The following AOC2 variants were observed in gnomAD, a reference collection of about 807,000 sequenced individuals.
AOC2 encodes the protein amine oxidase copper containing 2.
In AOC2, 57 loss-of-function variants were observed where a neutral mutation model predicts 53.8. The ratio of observed to expected loss-of-function variants is 1.06; its 90% CI spans 0.86 to 1.32. AOC2 has a LOEUF of 1.32. AOC2 is among the 40% of genes most tolerant of loss of function. AOC2 has a pLI of 0.00. For missense variants in AOC2, 1,008 were observed against 957.2 expected (o/e 1.05, Z -0.70); for synonymous variants, 404 against 399.0 (o/e 1.01, Z -0.15).
At position 42,845,819 on chromosome 17, in the gene AOC2, GC is replaced by G; in HGVS notation, c.1197del (p.Tyr400IlefsTer11). The G allele has an allele frequency of 6.2e-7, 1 of 1,614,188 alleles. No homozygotes were observed. Among genetic ancestry groups the G allele is most frequent in the Non-Finnish European group, 8.5e-7 (1 of 1,180,050 alleles). On this transcript the variant is annotated frameshift_variant, in exon 1 of 4. Transcript: ENST00000253799. LOFTEE classifies it high-confidence loss of function. ...CGAGGCTTGGTGCGGGGAGTGGACTGCCCCTATCAAGCCACGATGGTGGACA... is the reference window on the plus strand; with the variant it reads ...CGAGGCTTGGTGCGGGGAGTGGACTGCCCTATCAAGCCACGATGGTGGACA... ...NSRGLVRGVDCPYQATMVDIH... is the reference protein window; with the variant it reads ...NSRGLVRGVDXPYQATMVDIH...
chr17:42,849,640 A>G lies in AOC2; in HGVS notation c.1914A>G (p.Ser638=). The G allele has an allele frequency of 6.2e-7, 1 of 1,614,220 alleles. No individual in the cohort carries two copies. Among genetic ancestry groups the G allele is most frequent in the Non-Finnish European group, 8.5e-7 (1 of 1,180,038 alleles). The change falls in exon 3 of 4, where the codon TCA becomes TCG. Residue 638 remains serine (S), a synonymous_variant. Coordinates refer to ENST00000253799, the MANE Select transcript of AOC2 (RefSeq NM_009590.4). The part of the protein sequence containing the change: ...LVVTQRKEEE[S]QSSSIYHQND... The stretch of plus-strand genomic sequence containing the variant: ...TGACCCAGAGAAAGGAGGAGGAGTC[A>G]CAGAGCAGTAGCATCTATCACCAGA...
intron 1 of AOC2, among the ~76,000 whole-genome samples, chr17:42,848,829 G>C (rs774158153): frequency 2.0e-5 from 3 of 152,038 alleles, no homozygotes; most frequent in Non-Finnish European, 2.9e-5. Flanking sequence ...GGGATTGCAG[G>C]TGTGAGCCAC....
At position 42,845,449 on chromosome 17, in the gene AOC2, T is replaced by C; in HGVS notation, c.823T>C (p.Phe275Leu). 6.2e-7 allele frequency: 1 copy of C among 1,613,918 alleles called. No homozygotes were observed. The highest frequency in any genetic ancestry group is 2.2e-5 in the East Asian group (1 of 44,876). ...YADLGQLEREFKSGRLEVVRV... is the reference protein window; with the variant it reads ...YADLGQLERELKSGRLEVVRV... ...AGACTTGGGCCAGTTGGAACGGGAGTTTAAGTCTGGCCGGTTGGAAGTGGT... is the reference window on the plus strand; with the variant it reads ...AGACTTGGGCCAGTTGGAACGGGAGCTTAAGTCTGGCCGGTTGGAAGTGGT... Residue 275 changes from phenylalanine (F) to leucine (L), a missense_variant, in exon 1 of 4, where the codon TTT becomes CTT. By Grantham distance (22) the Phe-to-Leu change is conservative. Coordinates refer to ENST00000253799, the MANE Select transcript of AOC2 (RefSeq NM_009590.4).
intron 1 of AOC2, among the ~76,000 whole-genome samples, chr17:42,848,777 C>T (rs1242771887): frequency 1.3e-5 from 2 of 151,884 alleles, no homozygotes; most frequent in Admixed American, 1.3e-4. Context: ...TCTCAAACTC[C>T]TGGGCTCACA....
At chr17:42,846,940 C>T (rs1483673312) in intron 1 of AOC2, among the ~76,000 whole-genome samples, 1 of 152,218 alleles carries the variant, frequency 6.6e-6, no homozygotes, top group East Asian at 1.9e-4. Flanking sequence ...CAGACCCTCT[C>T]CATTTTAAGG....
intron 1 of AOC2, among the ~76,000 whole-genome samples, chr17:42,848,262 A>G (rs1356296379): frequency 6.6e-6 from 1 of 151,052 alleles, no homozygotes. Context: ...TTCATAGTTA[A>G]AAGAATGTCA....
Position 42,850,051 on chromosome 17 carries a change from A to G in AOC2, c.2005-31A>G, listed in dbSNP as rs1438523263. ...GGGTGGTTCTTTGGGTCACGCTTCC[A>G]TAGTCCTCCAGCTCCTCCTTCTTCT... On this transcript the variant is annotated intron_variant, in intron 3 of 3. Coordinates refer to ENST00000253799, the MANE Select transcript of AOC2 (RefSeq NM_009590.4). 7.5e-6 allele frequency: 12 copies of G among 1,605,676 alleles called. No homozygotes were observed. The Admixed American group carries it at 8.4e-5, about 11-fold the overall frequency.
Position 42,844,906 on chromosome 17 carries a change from T to C in AOC2, c.280T>C (p.Ser94Pro). 6.2e-6 allele frequency: 10 copies of C among 1,612,920 alleles called. No individual in the cohort carries two copies. The highest frequency in any genetic ancestry group is 8.5e-6 in the Non-Finnish European group (10 of 1,179,366). ...QAQPSDNCIF[S>P]VELQLPPKAA... ...TCAGCCCTCGGACAACTGCATCTTC[T>C]CAGTGGAGCTGCAGCTGCCCCCCAA... The change falls in exon 1 of 4, where the codon TCA becomes CCA. Residue 94 changes from serine to proline, a missense_variant. By Grantham distance (74) the Ser-to-Pro change is moderately conservative. Transcript: ENST00000253799.
intron 3 of AOC2, 144 bp downstream of exon 3, chr17:42,849,874 G>A (rs1292621106): frequency 7.6e-7 from 1 of 1,323,272 alleles, no homozygotes; most frequent in Non-Finnish European, 1.1e-6. Flanking sequence ...ACCAACACAG[G>A]TCATCCCTCC....
Position 42,849,955 on chromosome 17 carries a change from C to T in AOC2, c.2005-127C>T, listed in dbSNP as rs565516411. The stretch of plus-strand genomic sequence containing the variant: ...ACAGCTGCTTACATGGATTGCTCCA[C>T]GTGTTGTATGGGCATGAGGCTGGGG... On this transcript the variant is annotated intron_variant, in intron 3 of 3. Transcript: ENST00000253799. 14 of 1,365,100 alleles carry T rather than the reference C, an allele frequency of 1.0e-5. No homozygotes were observed. The South Asian group carries it at 1.4e-4, about 13-fold the overall frequency. The allele number at this position is 1,365,100 out of a possible 1,614,324, so 84.6% of individuals were successfully genotyped here. A position where few individuals can be genotyped will look rare whatever the true frequency, so the allele number is the denominator to read the frequency against.
intron 3 of AOC2, 132 bp from the exon 4 acceptor site, chr17:42,849,950 C>A: frequency 1.5e-6 from 2 of 1,343,750 alleles, no homozygotes; most frequent in Non-Finnish European, 2.1e-6. Flanking sequence ...ACATGGATTG[C>A]TCCACGTGTT....
Position 42,846,174 on chromosome 17 carries a change from C to T in AOC2, c.1548C>T (p.His516=). The stretch of plus-strand genomic sequence containing the variant: ...GGGAAAGAGTGCTGGGAACGGTGCA[C>T]ACACATGCCTTCCACTTCAAGCTGG... ...RVGERVLGTV[H]THAFHFKLDL... Residue 516 remains histidine (H), a synonymous_variant, in exon 1 of 4, where the codon CAC becomes CAT. Coordinates refer to ENST00000253799, the MANE Select transcript of AOC2 (RefSeq NM_009590.4). 1.3e-6 allele frequency: 2 copies of T among 1,535,600 alleles called. No individual in the cohort carries two copies.
rs776086873 is a variant in AOC2 at position 42,845,456 on chromosome 17, C to G, written c.830C>G (p.Ser277Cys). Residue 277 changes from serine to cysteine, a missense_variant, in exon 1 of 4, where the codon TCT becomes TGT. Physicochemically the swap from Ser to Cys is moderately radical, Grantham distance 112. Coordinates refer to ENST00000253799, the MANE Select transcript of AOC2 (RefSeq NM_009590.4). ...DLGQLEREFK[S>C]GRLEVVRVPL... ...GGCCAGTTGGAACGGGAGTTTAAGTCTGGCCGGTTGGAAGTGGTTAGAGTC... is the reference window on the plus strand; with the variant it reads ...GGCCAGTTGGAACGGGAGTTTAAGTGTGGCCGGTTGGAAGTGGTTAGAGTC... 6.2e-7 allele frequency: 1 copy of G among 1,614,174 alleles called. No individual in the cohort carries two copies. Among genetic ancestry groups the G allele is most frequent in the Non-Finnish European group, 8.5e-7 (1 of 1,180,038 alleles).
At chr17:42,846,299 C>A (rs1208315696) in intron 1 of AOC2, 85 bp downstream of exon 1, 4 of 1,427,932 alleles carry the variant, frequency 2.8e-6, no homozygotes, top group Admixed American at 5.3e-5. Flanking sequence ...CCAGGTCAAG[C>A]TGAAATAACA....
At position 42,849,235 on chromosome 17, in the gene AOC2, C is replaced by G; in HGVS notation, c.1738C>G (p.Pro580Ala). 6.2e-7 allele frequency: 1 copy of G among 1,614,212 alleles called. No individual in the cohort carries two copies. Among genetic ancestry groups the G allele is most frequent in the Non-Finnish European group, 8.5e-7 (1 of 1,180,036 alleles). The change falls in exon 2 of 4, where the codon CCC becomes GCC. Residue 580 changes from proline to alanine, a missense_variant. Transcript: ENST00000253799. ...AGCTTTTTCCTTGGGAAGCCCCCTACCCCGCTACCTCTACCTGGCTAGCAA... is the reference window on the plus strand; with the variant it reads ...AGCTTTTTCCTTGGGAAGCCCCCTAGCCCGCTACCTCTACCTGGCTAGCAA... ...LTAFSLGSPL[P>A]RYLYLASNQT...
At chr17:42,846,897 C>A (rs1169962652) in intron 1 of AOC2, among the ~76,000 whole-genome samples, 1 of 152,224 alleles carries the variant, frequency 6.6e-6, no homozygotes, top group Non-Finnish European at 1.5e-5. Flanking sequence ...TACAGACTCA[C>A]ACACTGATCC....
Position 42,846,173 on chromosome 17 carries a change from A to G in AOC2, c.1547A>G (p.His516Arg), listed in dbSNP as rs2055598300. The change falls in exon 1 of 4, where the codon CAC (histidine) becomes CGC (arginine). Residue 516 changes from histidine to arginine, a missense_variant. His to Arg is a conservative substitution (Grantham distance 29). Coordinates refer to ENST00000253799, the MANE Select transcript of AOC2 (RefSeq NM_009590.4). ...GGGGAAAGAGTGCTGGGAACGGTGCACACACATGCCTTCCACTTCAAGCTG... is the reference window on the plus strand; with the variant it reads ...GGGGAAAGAGTGCTGGGAACGGTGCGCACACATGCCTTCCACTTCAAGCTG... The part of the protein sequence containing the change: ...RVGERVLGTV[H>R]THAFHFKLDL... The G allele has an allele frequency of 3.3e-6, 5 of 1,537,266 alleles. No individual in the cohort carries two copies. In the South Asian group the frequency reaches 6.4e-5, roughly 20 times the overall value.
At chr17:42,849,493 A>G in intron 2 of AOC2, 108 bp from the exon 3 acceptor site, 2 of 1,587,912 alleles carry the variant, frequency 1.3e-6, no homozygotes, top group Non-Finnish European at 1.7e-6. Flanking sequence ...AACCCAAGTT[A>G]GATACACGGT....
At chr17:42,848,725 ATTG>A (rs1443565409) in intron 1 of AOC2, among the ~76,000 whole-genome samples, 2 of 150,936 alleles carry the variant, frequency 1.3e-5, no homozygotes, top group East Asian at 2.0e-4. Context: ...TGATTTTTTT[ATTG>A]TTTGTAGAGT....
Sources: allele counts gnomAD v4.1 joint callset (sites outside exome capture counted in the v4.1 genomes callset), GRCh38; gene constraint gnomAD v4.1.1; transcripts MANE v1.5; gene names NCBI Gene and HGNC (gene_info 2026-07-23, HGNC 2026-07-21).